The following NLGN4X variants were observed in gnomAD, a reference collection of about 807,000 sequenced individuals.
NLGN4X encodes the protein neuroligin 4 X-linked, also known as neuroligin-4, X-linked.
A neutral mutation model predicts 40.3 loss-of-function variants in NLGN4X; 3 were observed. That is an observed-to-expected ratio of 0.07 (90% CI 0.03 to 0.19). NLGN4X has a LOEUF of 0.19. Among genes scored for constraint, NLGN4X ranks in the 10% least tolerant of loss-of-function variants. The pLI is 1.00. For missense variants in NLGN4X, 382 were observed against 708.3 expected (o/e 0.54, Z 5.23); for synonymous variants, 270 against 306.8 (o/e 0.88, Z 1.25).
chrX:5,989,468 A>G (rs2035621684), intron 3 of NLGN4X, among the ~76,000 whole-genome samples: 1 of 112,249 alleles, frequency 8.9e-6, no homozygotes, highest in Non-Finnish European at 1.9e-5. Flanking sequence ...GTCAGCACCC[A>G]TATACCTTTA....
At chrX:5,952,924 C>G (rs1171930416) in intron 3 of NLGN4X, among the ~76,000 whole-genome samples, 1 of 112,058 alleles carries the variant, frequency 8.9e-6, no homozygotes, top group Non-Finnish European at 1.9e-5. Flanking sequence ...ACTTTCTCTG[C>G]TTATACATTA....
chrX:6,062,931 C>G (rs1357626764), intron 2 of NLGN4X, among the ~76,000 whole-genome samples: 1 of 110,879 alleles, frequency 9.0e-6, no homozygotes, highest in Non-Finnish European at 1.9e-5. Context: ...ATACACTGCT[C>G]TGCCCTAAAC....
chrX:6,115,894 C>T (rs2039267095), intron 2 of NLGN4X, among the ~76,000 whole-genome samples: 1 of 111,439 alleles, frequency 9.0e-6, no homozygotes, highest in Non-Finnish European at 1.9e-5. Context: ...AGACACCACC[C>T]AATTCTCCAG....
At chrX:5,909,680 T>C (rs2032387917) in intron 3 of NLGN4X, among the ~76,000 whole-genome samples, 1 of 109,295 alleles carries the variant, frequency 9.1e-6, no homozygotes, top group Admixed American at 9.9e-5. Context: ...CACATGTGTG[T>C]CTGTGTCTAA....
intron 1 of NLGN4X, among the ~76,000 whole-genome samples, chrX:6,209,686 C>A (rs1443250015): frequency 8.9e-6 from 1 of 111,959 alleles, no homozygotes; most frequent in Admixed American, 9.5e-5. Context: ...ATCCCTGATA[C>A]TCGCTTAGAA....
At chrX:5,973,053 C>T (rs1323530678) in intron 3 of NLGN4X, among the ~76,000 whole-genome samples, 1 of 112,108 alleles carries the variant, frequency 8.9e-6, no homozygotes, top group Non-Finnish European at 1.9e-5. Context: ...CTGCATTATG[C>T]AAAATGAGCA....
intron 2 of NLGN4X, among the ~76,000 whole-genome samples, chrX:6,059,215 T>C (rs1312773062): frequency 3.6e-5 from 4 of 111,837 alleles, no homozygotes; most frequent in Non-Finnish European, 7.5e-5. Flanking sequence ...AAATTCATGA[T>C]CCAAGTGTGT....
intron 3 of NLGN4X, among the ~76,000 whole-genome samples, chrX:5,965,121 T>C (rs963266229): frequency 6.3e-5 from 7 of 111,634 alleles, no homozygotes; most frequent in East Asian, 5.7e-4. Flanking sequence ...CCCTATTAAA[T>C]TGAATGGCTT....
intron 2 of NLGN4X, among the ~76,000 whole-genome samples, chrX:6,091,086 G>A (rs2038629048): frequency 9.1e-6 from 1 of 110,256 alleles, no homozygotes; most frequent in African/African-American, 3.3e-5. Context: ...CAGTGGTAGA[G>A]AGGGAGGAAT....
intron 3 of NLGN4X, among the ~76,000 whole-genome samples, chrX:6,009,154 C>A (rs1413554951): frequency 9.0e-6 from 1 of 111,541 alleles, no homozygotes; most frequent in African/African-American, 3.3e-5. Context: ...TTGGCTAGTT[C>A]AAAAGTTCAG....
intron 2 of NLGN4X, among the ~76,000 whole-genome samples, chrX:6,048,966 C>A (rs2037399812): frequency 9.4e-6 from 1 of 106,061 alleles, no homozygotes; most frequent in Admixed American, 1.0e-4. Context: ...ATGCAACACA[C>A]CTGCATGTCC....
At chrX:5,912,556 G>A (rs1601872972) in intron 3 of NLGN4X, among the ~76,000 whole-genome samples, 1 of 110,667 alleles carries the variant, frequency 9.0e-6, no homozygotes, top group Non-Finnish European at 1.9e-5. Flanking sequence ...GAATCTGTTG[G>A]GAGGTTACAT....
intron 2 of NLGN4X, among the ~76,000 whole-genome samples, chrX:6,037,408 A>AT (rs1384386543): frequency 9.0e-6 from 1 of 111,645 alleles, no homozygotes; most frequent in Non-Finnish European, 1.9e-5. Flanking sequence ...ACAGTCACAT[A>AT]TACTGCTGTT....
chrX:6,045,472 TA>T (rs892025912), intron 2 of NLGN4X, among the ~76,000 whole-genome samples: 2 of 110,659 alleles, frequency 1.8e-5, no homozygotes, highest in Admixed American at 9.7e-5. Flanking sequence ...AATATTAAAT[TA>T]AAAAAAAACT....
intron 3 of NLGN4X, among the ~76,000 whole-genome samples, chrX:5,910,545 C>T (rs2032427800): frequency 9.0e-6 from 1 of 111,160 alleles, no homozygotes; most frequent in African/African-American, 3.3e-5. Context: ...CCTCAAAGCA[C>T]GTCCCTAACC....
At chrX:6,123,660 T>C (rs1008480137) in intron 2 of NLGN4X, among the ~76,000 whole-genome samples, 5 of 109,973 alleles carry the variant, frequency 4.5e-5, no homozygotes, top group African/African-American at 1.7e-4. Flanking sequence ...ACTGAAATGT[T>C]TGATAGCTAA....
At chrX:6,172,363 G>C (rs1017209810) in intron 1 of NLGN4X, among the ~76,000 whole-genome samples, 2 of 111,513 alleles carry the variant, frequency 1.8e-5, no homozygotes, top group Non-Finnish European at 3.8e-5. Context: ...TTGCTTATTT[G>C]TATTCTGTTG....
At chrX:6,150,149 C>T (rs1456397902) in intron 2 of NLGN4X, among the ~76,000 whole-genome samples, 3 of 111,424 alleles carry the variant, frequency 2.7e-5, no homozygotes, top group South Asian at 3.8e-4. Flanking sequence ...CATCTAAAAA[C>T]GGCATATGGA....
At chrX:6,171,773 A>G (rs2040610767) in intron 1 of NLGN4X, among the ~76,000 whole-genome samples, 1 of 111,839 alleles carries the variant, frequency 8.9e-6, no homozygotes, top group Non-Finnish European at 1.9e-5. Context: ...TGCCTCTGAT[A>G]TGATTTGGAT....
Sources: gnomAD v4.1 joint callset for allele counts (sites outside exome capture counted in the v4.1 genomes callset) on GRCh38, gnomAD v4.1.1 for gene constraint, MANE v1.5 for transcripts, NCBI Gene and HGNC (gene_info 2026-07-23, HGNC 2026-07-21) for gene names.